STK32B: variants seen among roughly 807,000 people sequenced by gnomAD.
STK32B encodes serine/threonine kinase 32B.
Under a neutral mutation model 52.6 loss-of-function variants are expected in STK32B, and 43 were observed. The observed-to-expected ratio is 0.82, with a 90% CI of 0.64 to 1.05. STK32B has a LOEUF of 1.05. Ranked by LOEUF, STK32B falls within the 50% of genes least tolerant of loss-of-function variation. The pLI is 0.00. For synonymous variants in STK32B, 238 were observed against 204.3 expected (o/e 1.17, Z -1.41); for missense variants, 621 against 534.6 (o/e 1.16, Z -1.59).
At chr4:5,113,502 T>C (rs1194488118) in intron 1 of STK32B, among the ~76,000 whole-genome samples, 1 of 151,856 alleles carries the variant, frequency 6.6e-6, no homozygotes, top group African/African-American at 2.4e-5. Context: ...CTTCGTGTTA[T>C]AAGCTATTAA....
intron 4 of STK32B, among the ~76,000 whole-genome samples, chr4:5,348,831 C>T (rs1418550653): frequency 1.3e-5 from 2 of 152,186 alleles, no homozygotes; most frequent in Non-Finnish European, 2.9e-5. Flanking sequence ...CCTGAGCATG[C>T]AGCCAAGGGA....
At chr4:5,405,895 A>G (rs1737627264) in intron 5 of STK32B, among the ~76,000 whole-genome samples, 1 of 152,076 alleles carries the variant, frequency 6.6e-6, no homozygotes, top group Non-Finnish European at 1.5e-5. Flanking sequence ...CCCAGATATC[A>G]TGTTCTTCTC....
intron 3 of STK32B, among the ~76,000 whole-genome samples, chr4:5,307,214 T>C (rs977313235): frequency 2.0e-5 from 3 of 152,332 alleles, no homozygotes; most frequent in African/African-American, 7.2e-5. Context: ...TTTTCCTTGA[T>C]TATTGCCTCA....
At chr4:5,125,427 C>A (rs1010514686) in intron 1 of STK32B, among the ~76,000 whole-genome samples, 2 of 152,236 alleles carry the variant, frequency 1.3e-5, no homozygotes, top group South Asian at 2.1e-4. Context: ...CTCCAGCCCC[C>A]CTCCCTGAGC....
At chr4:5,278,617 C>T (rs1199370420) in intron 3 of STK32B, among the ~76,000 whole-genome samples, 2 of 152,184 alleles carry the variant, frequency 1.3e-5, no homozygotes, top group Non-Finnish European at 2.9e-5. Context: ...GCATATACCT[C>T]AGAAGTACTG....
intron 11 of STK32B, among the ~76,000 whole-genome samples, chr4:5,491,727 C>A (rs966371583): frequency 8.6e-5 from 13 of 151,920 alleles, no homozygotes; most frequent in African/African-American, 2.4e-4. Flanking sequence ...ACATTTAAGT[C>A]TTTAATCCAC....
intron 5 of STK32B, among the ~76,000 whole-genome samples, chr4:5,412,404 T>C (rs3774846): frequency 0.3 from 46,323 of 152,152 alleles, 8,815 homozygotes; most frequent in Non-Finnish European, 0.43. Context: ...TCAGTTAGCA[T>C]AGCCAGGGGA....
At chr4:5,151,966 G>C (rs1168444770) in intron 2 of STK32B, among the ~76,000 whole-genome samples, 1 of 152,148 alleles carries the variant, frequency 6.6e-6, no homozygotes, top group Admixed American at 6.5e-5. Flanking sequence ...CATATGATGT[G>C]CCTGTGCCAG....
At position 5,235,562 on chromosome 4, in the gene STK32B, G is replaced by T. The variant is rs551415321; in HGVS notation, c.260+67112G>T. On this transcript the variant is annotated intron_variant, in intron 3 of 11. Transcript: ENST00000282908. ...ATCTGAGGATTTCAGATAATAGAAA[G>T]TTACACCTTAGCCAAATATATCAGA... Among the ~76,000 whole-genome samples, 7 of 152,264 alleles carry T rather than the reference G, an allele frequency of 4.6e-5. No homozygotes were observed. The South Asian group carries it at 1.0e-3, about 23-fold the overall frequency.
intron 3 of STK32B, among the ~76,000 whole-genome samples, chr4:5,188,776 C>CTTT (rs1344183588): frequency 8.9e-6 from 1 of 112,900 alleles, no homozygotes. Flanking sequence ...TAACTGCCAT[C>CTTT]TTTTTTTTTT....
chr4:5,439,963 A>G (rs1392821733), intron 6 of STK32B, among the ~76,000 whole-genome samples: 1 of 152,118 alleles, frequency 6.6e-6, no homozygotes, highest in Non-Finnish European at 1.5e-5. Flanking sequence ...ATTGATCTAT[A>G]TCTCTGTTTT....
At position 5,119,047 on chromosome 4, in the gene STK32B, C is replaced by T. The variant is rs369383599; in HGVS notation, c.53-20858C>T. Among the ~76,000 whole-genome samples, 46 of 152,294 alleles carry T rather than the reference C, an allele frequency of 3.0e-4. No homozygotes were observed. The South Asian group carries it at 9.3e-3, about 31-fold the overall frequency. On this transcript the variant is annotated intron_variant, in intron 1 of 11. Transcript: ENST00000282908. ...ATAAAATTTGGATGCCATAGATATACTACATATCTGTTTATGTAATCTGTA... is the reference window on the plus strand; with the variant it reads ...ATAAAATTTGGATGCCATAGATATATTACATATCTGTTTATGTAATCTGTA...
chr4:5,136,647 C>T (rs1716096816), intron 1 of STK32B, among the ~76,000 whole-genome samples: 1 of 152,152 alleles, frequency 6.6e-6, no homozygotes, highest in South Asian at 2.1e-4. Context: ...CCTCTCACAC[C>T]CCCCAGCCAA....
intron 1 of STK32B, among the ~76,000 whole-genome samples, chr4:5,107,417 G>A (rs535135305): frequency 2.6e-5 from 4 of 152,040 alleles, no homozygotes; most frequent in Admixed American, 1.3e-4. Context: ...CCCTTCCCCC[G>A]TCTGTGGAAA....
intron 3 of STK32B, among the ~76,000 whole-genome samples, chr4:5,209,095 C>T (rs1722752417): frequency 6.6e-6 from 1 of 152,224 alleles, no homozygotes; most frequent in Non-Finnish European, 1.5e-5. Flanking sequence ...TCCCCCTCAG[C>T]ACTTCTGCAC....
At chr4:5,088,592 T>A (rs886491931) in intron 1 of STK32B, among the ~76,000 whole-genome samples, 1 of 151,936 alleles carries the variant, frequency 6.6e-6, no homozygotes, top group Non-Finnish European at 1.5e-5. Flanking sequence ...CCATACATTT[T>A]AAAATAACTA....
intron 2 of STK32B, 58 bp downstream of exon 2, chr4:5,140,018 T>C: frequency 3.8e-6 from 6 of 1,598,944 alleles, no homozygotes; most frequent in Non-Finnish European, 5.1e-6. Flanking sequence ...TTTGTGTGTC[T>C]GTGTGTTGGT....
At chr4:5,113,471 A>G (rs188089933) in intron 1 of STK32B, among the ~76,000 whole-genome samples, 129 of 152,304 alleles carry the variant, frequency 8.5e-4, no homozygotes, top group Middle Eastern at 6.8e-3. Context: ...GTGGACATGT[A>G]GTATGGGTAA....
At chr4:5,209,079 G>T (rs997076749) in intron 3 of STK32B, among the ~76,000 whole-genome samples, 5 of 152,160 alleles carry the variant, frequency 3.3e-5, no homozygotes, top group Admixed American at 2.0e-4. Flanking sequence ...TTCCATCCCA[G>T]CTGCCTCCCC....
Sources: allele counts gnomAD v4.1 joint callset (sites outside exome capture counted in the v4.1 genomes callset), GRCh38; gene constraint gnomAD v4.1.1; transcripts MANE v1.5; gene names NCBI Gene and HGNC (gene_info 2026-07-23, HGNC 2026-07-21).